The following KCNQ1 variants were observed in gnomAD, a reference collection of about 807,000 sequenced individuals.
The protein encoded by KCNQ1 is potassium voltage-gated channel subfamily Q member 1, also known as potassium voltage-gated channel subfamily KQT member 1.
In KCNQ1, 49 loss-of-function variants were observed where a neutral mutation model predicts 72.4. The ratio of observed to expected loss-of-function variants is 0.68; its 90% confidence interval spans 0.54 to 0.86. KCNQ1 has a LOEUF of 0.86. Ranked by LOEUF, KCNQ1 falls within the 40% of genes least tolerant of loss-of-function variation. The pLI, the probability that KCNQ1 is intolerant of heterozygous loss-of-function variation, is 0.00. For synonymous variants in KCNQ1, 450 were observed against 412.6 expected (o/e 1.09, Z -1.10); for missense variants, 790 against 945.1 (o/e 0.84, Z 2.15).
In KCNQ1 at chr11:2,809,109, T is replaced by A. The variant is rs1403088068; in HGVS notation, c.1794+31072T>A. 6.6e-6 allele frequency among the ~76,000 whole-genome samples: 1 copy of A among 151,956 alleles called. No individual in the cohort carries two copies. The highest frequency in any genetic ancestry group is 1.5e-5 in the Non-Finnish European group (1 of 67,996). Reference sequence around the variant, plus strand: ...ATGGATGTGTGAGTGAGTAGATGAATGAGTGGGCAGACAGACAGACACACC... The same window carrying A: ...ATGGATGTGTGAGTGAGTAGATGAAAGAGTGGGCAGACAGACAGACACACC... On this transcript the variant is annotated intron_variant, in intron 15 of 15. Transcript: ENST00000155840. This position sits in a 1 kb window ranked among gnomAD's most constrained non-coding sequence, Gnocchi z 7.1.
At position 2,764,512 on chromosome 11, in the gene KCNQ1, T is replaced by A. The variant is rs925777821; in HGVS notation, c.1515-4332T>A. ...TAACCTGTGATTTTTTTTTTCTTTC[T>A]TGAAATATCCTTGTCAGATTTTGAT... On this transcript the variant is annotated intron_variant, in intron 11 of 15. Transcript: ENST00000155840. This position sits in a 1 kb window ranked among gnomAD's most constrained non-coding sequence, Gnocchi z 4.8. Among the ~76,000 whole-genome samples the A allele has an allele frequency of 6.6e-6, 1 of 152,206 alleles. No homozygotes were observed. The highest frequency in any genetic ancestry group is 2.4e-5 in the African/African-American group (1 of 41,454).
intron 15 of KCNQ1, among the ~76,000 whole-genome samples, chr11:2,838,846 A>G (rs921817623): frequency 6.6e-6 from 1 of 152,130 alleles, no homozygotes; most frequent in African/African-American, 2.4e-5. Flanking sequence ...CGGGCTCGCC[A>G]GAGGGGGCAG....
At position 2,746,076 on chromosome 11, in the gene KCNQ1, G is replaced by C. The variant is rs531185042; in HGVS notation, c.1515-22768G>C. Among the ~76,000 whole-genome samples the C allele has an allele frequency of 6.6e-6, 1 of 152,130 alleles. No homozygotes were observed. The highest frequency in any genetic ancestry group is 1.5e-5 in the Non-Finnish European group (1 of 68,012). The stretch of plus-strand genomic sequence containing the variant: ...AGCTAATTTTTGTATTTTTGGTAGA[G>C]GTGGGGTTTCACCATGCTGGCCAGG... On this transcript the variant is annotated intron_variant, in intron 11 of 15. Coordinates refer to ENST00000155840, the MANE Select transcript of KCNQ1 (RefSeq NM_000218.3). The surrounding 1 kb of genome is among the most constrained non-coding windows in gnomAD (Gnocchi z 5.9).
Position 2,815,095 on chromosome 11 carries a change from G to T in KCNQ1, c.1795-32672G>T, listed in dbSNP as rs1847588054. ...TGCTGCGTGCTGAGCACCATGCTGGGTGCTTCCTGTGCTCTCAACAGCCTT... is the reference window on the plus strand; with the variant it reads ...TGCTGCGTGCTGAGCACCATGCTGGTTGCTTCCTGTGCTCTCAACAGCCTT... On this transcript the variant is annotated intron_variant, in intron 15 of 15. Transcript: ENST00000155840. The surrounding 1 kb of genome is among the most constrained non-coding windows in gnomAD (Gnocchi z 5.4). Among the ~76,000 whole-genome samples, 1 of 152,238 alleles carries T rather than the reference G, an allele frequency of 6.6e-6. No individual in the cohort carries two copies. The highest frequency in any genetic ancestry group is 1.5e-5 in the Non-Finnish European group (1 of 68,042).
At position 2,677,383 on chromosome 11, in the gene KCNQ1, A is replaced by C; in HGVS notation, c.1514+15302A>C. On this transcript the variant is annotated intron_variant, in intron 11 of 15. Transcript: ENST00000155840. This position sits in a 1 kb window ranked among gnomAD's most constrained non-coding sequence, Gnocchi z 4.5. Reference sequence around the variant, plus strand: ...CCAGTTAGTTAATCAGTTGAAGAGGAAACCAAGATCGATGCCTAGATAAGC... The same window carrying C: ...CCAGTTAGTTAATCAGTTGAAGAGGCAACCAAGATCGATGCCTAGATAAGC... 2.5e-6 allele frequency: 1 copy of C among 398,642 alleles called. No homozygotes were observed. The highest frequency in any genetic ancestry group is 3.6e-5 in the East Asian group (1 of 28,068). The allele number at this position is 398,642 out of a possible 1,614,324, so 24.7% of individuals were successfully genotyped here.
At chr11:2,739,781 C>G (rs751516049) in intron 11 of KCNQ1, among the ~76,000 whole-genome samples, 3 of 152,226 alleles carry the variant, frequency 2.0e-5, no homozygotes, top group Non-Finnish European at 4.4e-5. Context: ...TGGTATTGGC[C>G]AAGTTGACCG....
intron 2 of KCNQ1, among the ~76,000 whole-genome samples, chr11:2,558,689 A>G (rs955987362): frequency 6.6e-6 from 1 of 151,854 alleles, no homozygotes; most frequent in African/African-American, 2.4e-5. Flanking sequence ...GAGGCACCTC[A>G]TTAAACCGCC....
intron 15 of KCNQ1, among the ~76,000 whole-genome samples, chr11:2,780,890 T>A (rs1430992464): frequency 2.0e-5 from 3 of 152,182 alleles, no homozygotes; most frequent in African/African-American, 7.2e-5. Context: ...GACAGTGCAG[T>A]GTCTGCTCCA....
chr11:2,714,612 C>CAG (rs1440632804), intron 11 of KCNQ1, among the ~76,000 whole-genome samples: 1 of 152,124 alleles, frequency 6.6e-6, no homozygotes, highest in African/African-American at 2.4e-5. Context: ...CCAGGCTTCA[C>CAG]AGAGGTGGAA....
chr11:2,628,346 A>G (rs1267791993), intron 10 of KCNQ1: 4 of 398,540 alleles, frequency 1.0e-5, no homozygotes, highest in South Asian at 2.5e-4. Flanking sequence ...TTATGAGGTG[A>G]TATCTCAGTG....
intron 10 of KCNQ1, chr11:2,634,095 G>T (rs1183412947): frequency 5.1e-6 from 2 of 395,298 alleles, no homozygotes; most frequent in Non-Finnish European, 8.9e-6. Context: ...GCAAGTTTAA[G>T]GATTGTGTTT....
At chr11:2,648,076 G>A (rs78133992) in intron 10 of KCNQ1, 4,412 of 397,080 alleles carry the variant, frequency 0.011, 43 homozygotes, top group Non-Finnish European at 0.016. Flanking sequence ...AAATTAGCGA[G>A]GTGTGGTGCT....
intron 1 of KCNQ1, among the ~76,000 whole-genome samples, chr11:2,449,924 CTGGTCCTGACGCAG>C (rs1192116956): frequency 1.3e-5 from 2 of 152,166 alleles, no homozygotes; most frequent in Non-Finnish European, 2.9e-5. Flanking sequence ...GTCCAGGGAG[CTGGTCCTGACGCAG>C]GGGTCCTGAT....
rs1245324319 is a variant in KCNQ1 at position 2,698,352 on chromosome 11, T to A, written c.1514+36271T>A. On this transcript the variant is annotated intron_variant, in intron 11 of 15. Transcript: ENST00000155840. The surrounding 1 kb of genome is among the most constrained non-coding windows in gnomAD (Gnocchi z 5.1). ...GAAGGCACTCTTACTCTCAATTTTA[T>A]ATAAAAGGCTATTTGACCTGCTCAG... is the stretch of plus-strand genomic sequence containing the variant. 1 of 398,632 alleles carries A rather than the reference T, an allele frequency of 2.5e-6. No individual in the cohort carries two copies. Among genetic ancestry groups the A allele is most frequent in the Non-Finnish European group, 4.4e-6 (1 of 226,064 alleles). The allele number at this position is 398,632 out of a possible 1,614,324, so 24.7% of individuals were successfully genotyped here.
At chr11:2,485,422 G>T (rs1409544946) in intron 1 of KCNQ1, among the ~76,000 whole-genome samples, 1 of 141,500 alleles carries the variant, frequency 7.1e-6, no homozygotes, top group Admixed American at 8.0e-5. Context: ...TCTCTTGCAG[G>T]CCTCTCGCAC....
intron 15 of KCNQ1, among the ~76,000 whole-genome samples, chr11:2,822,419 G>C (rs1031753242): frequency 6.6e-6 from 1 of 152,160 alleles, no homozygotes; most frequent in Non-Finnish European, 1.5e-5. Context: ...GGTGGAGGTG[G>C]GGAAATGGGG....
At chr11:2,791,811 C>T (rs1248428508) in intron 15 of KCNQ1, among the ~76,000 whole-genome samples, 2 of 152,138 alleles carry the variant, frequency 1.3e-5, no homozygotes, top group Non-Finnish European at 2.9e-5. Context: ...GGCGGTGGGA[C>T]CGGCTTCCTG....
rs79333357 is a variant in KCNQ1, at chr11:2,702,410, C to A, written c.1514+40329C>A. Among the ~76,000 whole-genome samples, 14 of 152,266 alleles carry A rather than the reference C, an allele frequency of 9.2e-5. No individual in the cohort carries two copies. In the East Asian group the frequency reaches 2.5e-3, roughly 27 times the overall value. On this transcript the variant is annotated intron_variant, in intron 11 of 15. Transcript: ENST00000155840. ...ATGTCGAACACAGGCTGAAAAGCTC[C>A]CTAAATCAATTTCACTTAAAATGGT...
chr11:2,793,141 A>G (rs1847063989), intron 15 of KCNQ1, among the ~76,000 whole-genome samples: 1 of 152,166 alleles, frequency 6.6e-6, no homozygotes, highest in African/African-American at 2.4e-5. Context: ...CTGGGCTACA[A>G]ATGGGTTCAG....
Sources: allele counts gnomAD v4.1 joint callset (sites outside exome capture counted in the v4.1 genomes callset), GRCh38; gene constraint gnomAD v4.1.1; non-coding constraint Gnocchi (gnomAD v3.1); transcripts MANE v1.5; gene names NCBI Gene and HGNC (gene_info 2026-07-23, HGNC 2026-07-21).